SYNE1: variants seen among roughly 807,000 people sequenced by gnomAD.
The protein encoded by SYNE1 is spectrin repeat containing nuclear envelope protein 1, also known as nesprin-1.
In SYNE1, 616 loss-of-function variants were observed where a neutral mutation model predicts 1,111.0. That is an observed-to-expected ratio of 0.55 (90% confidence interval 0.52 to 0.59). The LOEUF (loss-of-function observed/expected upper bound fraction) is 0.59. Ranked by LOEUF, SYNE1 falls within the 20% of genes least tolerant of loss-of-function variation. SYNE1 has a pLI of 0.00. For missense variants in SYNE1, 10,006 were observed against 10,417.0 expected, an observed-to-expected ratio of 0.96 and a Z score of 1.72; for synonymous variants, 3,855 against 3,825.8, an observed-to-expected ratio of 1.01 and a Z score of -0.28.
intron 74 of SYNE1, among the ~76,000 whole-genome samples, chr6:152,341,976 CAAAAAAT>C (rs946862918): frequency 5.9e-5 from 9 of 151,832 alleles, no homozygotes; most frequent in Non-Finnish European, 7.4e-5. Context: ...GAAATAACAA[CAAAAAAT>C]AAAAAATAAA....
intron 91 of SYNE1, among the ~76,000 whole-genome samples, chr6:152,307,275 G>A (rs911069723): frequency 6.6e-6 from 1 of 152,142 alleles, no homozygotes; most frequent in African/African-American, 2.4e-5. Context: ...AATTATTAAT[G>A]TTTGTAGATG....
intron 138 of SYNE1, among the ~76,000 whole-genome samples, chr6:152,142,900 T>C (rs2058771229): frequency 6.6e-6 from 1 of 152,232 alleles, no homozygotes; most frequent in African/African-American, 2.4e-5. Flanking sequence ...TTTTCTTTCC[T>C]TGTACTAACC....
chr6:152,607,921 A>G (rs1365067633), intron 3 of SYNE1, among the ~76,000 whole-genome samples: 4 of 152,186 alleles, frequency 2.6e-5, no homozygotes, highest in Non-Finnish European at 5.9e-5. Context: ...TCCTCAGCAA[A>G]CTAACACAGG....
intron 98 of SYNE1, among the ~76,000 whole-genome samples, chr6:152,275,026 C>T (rs1036508643): frequency 8.5e-5 from 13 of 152,196 alleles, no homozygotes; most frequent in African/African-American, 3.1e-4. Context: ...CCCATCCCAG[C>T]TTCCTTAGTA....
chr6:152,344,701 T>C (rs754650564), intron 73 of SYNE1, among the ~76,000 whole-genome samples: 2 of 152,200 alleles, frequency 1.3e-5, no homozygotes, highest in African/African-American at 2.4e-5. Flanking sequence ...AGGGTAAAAT[T>C]TGAACTAAAT....
intron 127 of SYNE1, among the ~76,000 whole-genome samples, chr6:152,199,359 T>C (rs2635443): frequency 0.5 from 76,226 of 152,046 alleles, 19,438 homozygotes; most frequent in East Asian, 0.64. Context: ...ATAGAGTTGC[T>C]ACATTCTGTG....
intron 104 of SYNE1, among the ~76,000 whole-genome samples, chr6:152,251,650 T>C (rs1375782913): frequency 2.7e-5 from 4 of 150,712 alleles, no homozygotes; most frequent in African/African-American, 9.7e-5. Flanking sequence ...TCCCAGCTAC[T>C]TGGGAGGCTG....
chr6:152,368,966 C>G lies in SYNE1; in HGVS notation c.9807+6G>C, dbSNP rs376694958. The G allele has an allele frequency of 2.5e-6, 4 of 1,614,124 alleles. No homozygotes were observed. The African/African-American group carries it at 4.0e-5, about 16-fold the overall frequency. The stretch of plus-strand genomic sequence containing the variant: ...ACACTCACACACAGCACGTGCCAGG[C>G]GTTACCTTTGTTAAATTGCTTAGCG... On this transcript the variant is annotated splice_donor_region_variant and intron_variant, in intron 61 of 145. Transcript: ENST00000367255.
chr6:152,550,409 A>C (rs2128128408), intron 3 of SYNE1, among the ~76,000 whole-genome samples: 1 of 152,252 alleles, frequency 6.6e-6, no homozygotes, highest in South Asian at 2.1e-4. Context: ...AAATATTACA[A>C]TTTACCAAAT....
chr6:152,356,482 A>G (rs1157394830), intron 66 of SYNE1, among the ~76,000 whole-genome samples: 1 of 148,052 alleles, frequency 6.8e-6, no homozygotes, highest in African/African-American at 2.4e-5. Flanking sequence ...TATAAAATCT[A>G]TAAGTAACAT....
intron 3 of SYNE1, among the ~76,000 whole-genome samples, chr6:152,540,512 A>G (rs1463053929): frequency 1.3e-5 from 2 of 152,230 alleles, no homozygotes; most frequent in African/African-American, 4.8e-5. Flanking sequence ...AAGGAACTTC[A>G]CCCAGATGAG....
In SYNE1 at chr6:152,242,431, C is replaced by G. The variant is rs1353613076; in HGVS notation, c.19702G>C (p.Asp6568His). 3 of 1,614,020 alleles carry G rather than the reference C, an allele frequency of 1.9e-6. No individual in the cohort carries two copies. The highest frequency in any genetic ancestry group is 2.5e-6 in the Non-Finnish European group (3 of 1,179,992). The part of the protein sequence containing the change: ...QELSKLQDMY[D>H]ELMMIIGSRR... ...GAGCCAATGATCATCATCAGCTCAT[C>G]ATACATGTCCTAAGAAGCAGAGACC... Residue 6568 changes from aspartate to histidine, a missense_variant, in exon 107 of 146, where the codon GAT becomes CAT. By Grantham distance (81) the Asp-to-His change is moderately conservative (BLOSUM62 -1). Transcript: ENST00000367255.
intron 129 of SYNE1, among the ~76,000 whole-genome samples, chr6:152,178,910 CTTTT>C (rs750037655): frequency 4.3e-5 from 5 of 115,558 alleles, no homozygotes; most frequent in Admixed American, 8.9e-5. Flanking sequence ...TCACCCAATT[CTTTT>C]TTTTTTTTTT....
intron 21 of SYNE1, 25 bp downstream of exon 21, chr6:152,461,572 A>G: frequency 6.2e-7 from 1 of 1,613,822 alleles, no homozygotes; most frequent in Non-Finnish European, 8.5e-7. Context: ...CACACAGCCT[A>G]TTGTGCATTA....
intron 144 of SYNE1, among the ~76,000 whole-genome samples, chr6:152,131,568 G>A (rs1295707067): frequency 6.6e-6 from 1 of 152,168 alleles, no homozygotes; most frequent in Non-Finnish European, 1.5e-5. Context: ...TCCTCTTTGT[G>A]TTCAGTGAGG....
In SYNE1 at chr6:152,293,707, G is replaced by A. The variant is rs1458727795; in HGVS notation, c.17893C>T (p.Gln5965Ter). The A allele has an allele frequency of 6.2e-7, 1 of 1,614,068 alleles. No individual in the cohort carries two copies. The highest frequency in any genetic ancestry group is 1.7e-5 in the Admixed American group (1 of 60,012). ...QRTLYEALER[Q>*]QKYQDSLQSI... ...TGGAGGGAGTCCTGGTACTTCTGCT[G>A]GCGTTCCAAAGCTTCATAGAGTGTG... is the stretch of plus-strand genomic sequence containing the variant. Residue 5965 changes from glutamine (Q) to a stop codon, truncating the protein, a stop_gained, in exon 95 of 146, where the codon CAG becomes TAG. Transcript: ENST00000367255. LOFTEE classifies it high-confidence loss of function.
In SYNE1 at chr6:152,435,955, G is replaced by A; in HGVS notation, c.4296C>T (p.Asp1432=). 1.2e-6 allele frequency: 2 copies of A among 1,614,104 alleles called. No homozygotes were observed. Among genetic ancestry groups the A allele is most frequent in the Non-Finnish European group, 1.7e-6 (2 of 1,180,008 alleles). ...SIKEQVKKLE[D]TLEEDIKTME... The stretch of plus-strand genomic sequence containing the variant: ...CAATCACATACTCTTCTTCAAGCGT[G>A]TCTTCTAATTTTTTGACTTGTTCTT... Residue 1432 remains aspartate, a synonymous_variant, in exon 33 of 146, where the codon GAC becomes GAT. Coordinates refer to ENST00000367255, the MANE Select transcript of SYNE1 (RefSeq NM_182961.4).
rs529264153 is a variant in SYNE1 at position 152,322,193 on chromosome 6, T to C, written c.15918-307A>G. ...CTTCCTCTTTGGAAATCTCCTAAAA[T>C]GGTACATTTAAAAGTAATGTGTAAT... On this transcript the variant is annotated intron_variant, in intron 82 of 145. Coordinates refer to ENST00000367255, the MANE Select transcript of SYNE1 (RefSeq NM_182961.4). Among the ~76,000 whole-genome samples the C allele has an allele frequency of 2.5e-3, 381 of 152,322 alleles. 1 individual carries two copies. The highest frequency in any genetic ancestry group is 8.6e-3 in the African/African-American group (357 of 41,580).
chr6:152,504,558 A>G (rs771308557), intron 9 of SYNE1, among the ~76,000 whole-genome samples: 25 of 152,204 alleles, frequency 1.6e-4, no homozygotes, highest in African/African-American at 5.3e-4. Flanking sequence ...AAATGTCCAT[A>G]ATTGCCAGCC....
Sources: allele counts gnomAD v4.1 joint callset (sites outside exome capture counted in the v4.1 genomes callset), GRCh38; gene constraint gnomAD v4.1.1; transcripts MANE v1.5; gene names NCBI Gene and HGNC (gene_info 2026-07-23, HGNC 2026-07-21).